The following ALPK1 variants were observed in gnomAD, a reference collection of about 807,000 sequenced individuals.
The protein encoded by ALPK1 is alpha-protein kinase 1.
A neutral mutation model predicts 120.6 loss-of-function variants in ALPK1; 110 were observed. The ratio of observed to expected loss-of-function variants is 0.91; its 90% confidence interval spans 0.78 to 1.07. The LOEUF (loss-of-function observed/expected upper bound fraction) is 1.07, where lower values mean the gene tolerates loss of function less well. Ranked by LOEUF, ALPK1 falls within the 50% of genes least tolerant of loss-of-function variation. ALPK1 has a pLI of 0.00. For missense variants in ALPK1, 1,498 were observed against 1,483.9 expected (o/e 1.01, Z -0.16); for synonymous variants, 582 against 560.3 (o/e 1.04, Z -0.55).
chr4:112,331,975 T>G (rs762956379), intron 2 of ALPK1, among the ~76,000 whole-genome samples: 6 of 152,274 alleles, frequency 3.9e-5, no homozygotes, highest in Admixed American at 6.5e-5. Context: ...TAACAACCAC[T>G]AAGTGAGGTT....
At chr4:112,365,896 A>G (rs573464547) in intron 2 of ALPK1, among the ~76,000 whole-genome samples, 1 of 152,356 alleles carries the variant, frequency 6.6e-6, no homozygotes, top group South Asian at 2.1e-4. Context: ...ACCCAGAAAT[A>G]AAGCCAAATA....
intron 2 of ALPK1, among the ~76,000 whole-genome samples, chr4:112,347,808 G>A (rs1158294611): frequency 1.3e-5 from 2 of 152,184 alleles, no homozygotes; most frequent in Admixed American, 6.5e-5. Flanking sequence ...GAAAGAGCAG[G>A]AAGCAAGCAA....
chr4:112,335,996 G>A (rs991843632), intron 2 of ALPK1, among the ~76,000 whole-genome samples: 3 of 145,330 alleles, frequency 2.1e-5, no homozygotes, highest in Admixed American at 6.8e-5. Flanking sequence ...ATAAATGAAC[G>A]TAAAACCAAC....
intron 13 of ALPK1, 49 bp downstream of exon 13, chr4:112,438,695 A>C (rs368727227): frequency 3.8e-5 from 60 of 1,578,164 alleles, no homozygotes; most frequent in Non-Finnish European, 5.2e-5. Context: ...TCACACTTGA[A>C]TATCAATTAA....
At position 112,308,013 on chromosome 4, in the gene ALPK1, G is replaced by A. The variant is rs548888572; in HGVS notation, c.-152-7788G>A. ...ATTTCTCCTTCACTTATGAAGCTTA[G>A]TTTGGCTGAAAATGAAATTCTGGGT... On this transcript the variant is annotated intron_variant, in intron 1 of 15. Transcript: ENST00000650871. Among the ~76,000 whole-genome samples the A allele has an allele frequency of 1.8e-4, 28 of 152,136 alleles. No homozygotes were observed. In the South Asian group the frequency reaches 5.8e-3, roughly 32 times the overall value.
chr4:112,340,521 G>C lies in ALPK1; in HGVS notation c.-101+24669G>C, dbSNP rs113105093. Among the ~76,000 whole-genome samples the C allele has an allele frequency of 1.7e-4, 26 of 152,142 alleles. 1 individual carries two copies. Among genetic ancestry groups the C allele is most frequent in the African/African-American group, 5.3e-4 (22 of 41,502 alleles). The stretch of plus-strand genomic sequence containing the variant: ...TCAGTCACTCAAAAATCTCTTACTA[G>C]ATCTATGCCCTTGGGTGGATGTAAA... On this transcript the variant is annotated intron_variant, in intron 2 of 15. Coordinates refer to ENST00000650871, the MANE Select transcript of ALPK1 (RefSeq NM_025144.4).
chr4:112,356,270 A>C, intron 2 of ALPK1: 1 of 1,231,260 alleles, frequency 8.1e-7, no homozygotes, highest in Non-Finnish European at 1.2e-6. Flanking sequence ...GGGCACAGGC[A>C]AGACGCTGTG....
At chr4:112,435,664 T>G (rs1339090205) in intron 12 of ALPK1, among the ~76,000 whole-genome samples, 1 of 152,178 alleles carries the variant, frequency 6.6e-6, no homozygotes, top group Non-Finnish European at 1.5e-5. Context: ...AGCACACTTT[T>G]AAGTAAATAG....
chr4:112,393,824 T>C (rs1200245446), intron 4 of ALPK1, among the ~76,000 whole-genome samples: 1 of 152,178 alleles, frequency 6.6e-6, no homozygotes, highest in Non-Finnish European at 1.5e-5. Context: ...TTCCAAACAT[T>C]TTCTCTTCCC....
intron 7 of ALPK1, 178 bp downstream of exon 7, chr4:112,425,929 A>T (rs191173233): frequency 2.1e-6 from 1 of 485,866 alleles, no homozygotes. Flanking sequence ...ATATTAATAA[A>T]ATGTGTTTTT....
In ALPK1 at chr4:112,426,482, C is replaced by A; in HGVS notation, c.638C>A (p.Ala213Glu). 7 of 1,606,410 alleles carry A rather than the reference C, an allele frequency of 4.4e-6. No individual in the cohort carries two copies. The highest frequency in any genetic ancestry group is 5.9e-6 in the Non-Finnish European group (7 of 1,177,056). The change falls in exon 8 of 16, where the codon GCA becomes GAA. Residue 213 changes from alanine (A) to glutamate (E), a missense_variant. Ala to Glu is a moderately radical substitution (Grantham distance 107, BLOSUM62 -1). Coordinates refer to ENST00000650871, the MANE Select transcript of ALPK1 (RefSeq NM_025144.4). Reference sequence around the variant, plus strand: ...TTTTTTTCAGGGATGTGGTACGAAGCAGCAGAGTTAATATGGGCCTCCATT... The same window carrying A: ...TTTTTTTCAGGGATGTGGTACGAAGAAGCAGAGTTAATATGGGCCTCCATT... ...ILQKLGMWYEAAELIWASIVG... is the reference protein window; with the variant it reads ...ILQKLGMWYEEAELIWASIVG...
rs115809436 is a variant in ALPK1 at position 112,423,298 on chromosome 4, G to T, written c.476-646G>T. 3.3e-3 allele frequency among the ~76,000 whole-genome samples: 499 copies of T among 152,276 alleles called. 7 individuals carry two copies. Among genetic ancestry groups the T allele is most frequent in the African/African-American group, 0.012 (481 of 41,548 alleles). Reference sequence around the variant, plus strand: ...GGTAATGAGCCTGGTCTACCCAAGGGATGATAAGGAGGCCACTGTGACTGA... The same window carrying T: ...GGTAATGAGCCTGGTCTACCCAAGGTATGATAAGGAGGCCACTGTGACTGA... On this transcript the variant is annotated intron_variant, in intron 5 of 15. Transcript: ENST00000650871.
chr4:112,358,181 G>T, intron 2 of ALPK1: 1 of 622,866 alleles, frequency 1.6e-6, no homozygotes, highest in South Asian at 1.4e-5. Context: ...CATCGGGCAA[G>T]TGATCTGGCA....
In ALPK1 at chr4:112,356,213, A is replaced by G. The variant is rs554805204; in HGVS notation, c.-100-21465A>G. 5 of 1,594,278 alleles carry G rather than the reference A, an allele frequency of 3.1e-6. No individual in the cohort carries two copies. In the East Asian group the frequency reaches 1.1e-4, roughly 36 times the overall value. Reference sequence around the variant, plus strand: ...CAAATGCCAACAGGAGTACATGACCAAGGTCCTGGAATGTCTGCAGATGAA... The same window carrying G: ...CAAATGCCAACAGGAGTACATGACCGAGGTCCTGGAATGTCTGCAGATGAA... On this transcript the variant is annotated intron_variant, in intron 2 of 15. Transcript: ENST00000650871.
Position 112,382,463 on chromosome 4 carries a change from C to T in ALPK1, c.187C>T (p.Pro63Ser), listed in dbSNP as rs1350903610. The T allele has an allele frequency of 1.9e-6, 3 of 1,614,068 alleles. No homozygotes were observed. The highest frequency in any genetic ancestry group is 1.7e-5 in the Admixed American group (1 of 60,016). Residue 63 changes from proline to serine, a missense_variant, in exon 4 of 16, where the codon CCT becomes TCT. Coordinates refer to ENST00000650871, the MANE Select transcript of ALPK1 (RefSeq NM_025144.4). ...EAKEMKWPFV[P>S]EKWQYKQAVG... Reference sequence around the variant, plus strand: ...AAAGGAAATGAAGTGGCCCTTCGTGCCTGAAAAGTGGCAGTACAAACAAGC... The same window carrying T: ...AAAGGAAATGAAGTGGCCCTTCGTGTCTGAAAAGTGGCAGTACAAACAAGC...
At chr4:112,312,063 G>C (rs1298409618) in intron 1 of ALPK1, among the ~76,000 whole-genome samples, 2 of 152,196 alleles carry the variant, frequency 1.3e-5, no homozygotes, top group East Asian at 3.9e-4. Context: ...GTCAGACAAA[G>C]AATACTTAGC....
At chr4:112,394,049 G>T (rs1258729579) in intron 4 of ALPK1, among the ~76,000 whole-genome samples, 3 of 152,280 alleles carry the variant, frequency 2.0e-5, no homozygotes, top group South Asian at 2.1e-4. Context: ...CAAGCCCATT[G>T]TTGGGTAGGT....
At chr4:112,359,819 G>T in intron 2 of ALPK1, 1 of 398,764 alleles carries the variant, frequency 2.5e-6, no homozygotes, top group Non-Finnish European at 4.9e-6. Flanking sequence ...AGCCCCAGTG[G>T]GTGCCCATGG....
chr4:112,393,425 A>G (rs1321579078), intron 4 of ALPK1, among the ~76,000 whole-genome samples: 1 of 152,136 alleles, frequency 6.6e-6, no homozygotes, highest in Non-Finnish European at 1.5e-5. Flanking sequence ...CAAGACAACC[A>G]TGTAGATCTT....
Sources: allele counts gnomAD v4.1 joint callset (sites outside exome capture counted in the v4.1 genomes callset), GRCh38; gene constraint gnomAD v4.1.1; transcripts MANE v1.5; gene names NCBI Gene and HGNC (gene_info 2026-07-23, HGNC 2026-07-21).